Variants in SGO2 observed in about 807,000 individuals in gnomAD.
SGO2 encodes the protein shugoshin 2.
In SGO2, 68 loss-of-function variants were observed where a neutral mutation model predicts 99.5. That is an observed-to-expected ratio of 0.68 (90% CI 0.56 to 0.84). SGO2 has a LOEUF of 0.84. Among genes scored for constraint, SGO2 ranks in the 40% least tolerant of loss-of-function variants. SGO2 has a pLI of 0.00. For synonymous variants in SGO2, 457 were observed against 487.1 expected (o/e 0.94, Z 0.81); for missense variants, 1,350 against 1,436.7 (o/e 0.94, Z 0.97).
intron 4 of SGO2, among the ~76,000 whole-genome samples, chr2:200,541,129 A>G (rs2031941731): frequency 6.6e-6 from 1 of 152,238 alleles, no homozygotes; most frequent in Non-Finnish European, 1.5e-5. Flanking sequence ...CAGAGCCCTC[A>G]TGACCTAATT....
chr2:200,534,861 A>G (rs2031612466), intron 2 of SGO2, 135 bp from the exon 3 acceptor site: 2 of 563,128 alleles, frequency 3.6e-6, no homozygotes, highest in African/African-American at 2.0e-5. Flanking sequence ...TCAAAACTAC[A>G]TCTGTATTGT....
intron 8 of SGO2, chr2:200,575,999 A>G (rs889615999): frequency 6.6e-6 from 2 of 303,682 alleles, no homozygotes; most frequent in Non-Finnish European, 1.3e-5. Context: ...GTTGTATTTT[A>G]GAGTCTCAAA....
At chr2:200,558,466 T>C (rs932608829) in intron 5 of SGO2, among the ~76,000 whole-genome samples, 1 of 152,084 alleles carries the variant, frequency 6.6e-6, no homozygotes, top group Non-Finnish European at 1.5e-5. Flanking sequence ...ATAAGGATTT[T>C]TGAATGTTAA....
chr2:200,565,174 T>C (rs2033136960), intron 5 of SGO2, among the ~76,000 whole-genome samples: 1 of 152,260 alleles, frequency 6.6e-6, no homozygotes, highest in Admixed American at 6.5e-5. Context: ...CTTTACAATT[T>C]GGCATGTTTT....
In SGO2 at chr2:200,570,015, A is replaced by C; in HGVS notation, c.703+123A>C. 1 of 645,060 alleles carries C rather than the reference A, an allele frequency of 1.6e-6. No individual in the cohort carries two copies. The highest frequency in any genetic ancestry group is 2.7e-6 in the Non-Finnish European group (1 of 377,006). 40.0% of individuals were successfully genotyped at this position (645,060 alleles called of 1,614,324 possible). A position where few individuals can be genotyped will look rare whatever the true frequency, so the allele number is the denominator to read the frequency against. On this transcript the variant is annotated intron_variant, in intron 6 of 8. Coordinates refer to ENST00000357799, the MANE Select transcript of SGO2 (RefSeq NM_152524.6). This position sits in a 1 kb window ranked among gnomAD's most constrained non-coding sequence, Gnocchi z 4.4. ...GCTCTCTTATGTTACCGATTTGCTA[A>C]CTTCTGCCATTTAAAACTGCTGGTG...
At chr2:200,555,682 C>T (rs112894272) in intron 5 of SGO2, among the ~76,000 whole-genome samples, 2 of 152,144 alleles carry the variant, frequency 1.3e-5, no homozygotes, top group Non-Finnish European at 2.9e-5. Flanking sequence ...CGAGTATCCC[C>T]ACCATAACTG....
chr2:200,552,955 G>T (rs952853561), intron 5 of SGO2, among the ~76,000 whole-genome samples: 1 of 151,888 alleles, frequency 6.6e-6, no homozygotes, highest in Non-Finnish European at 1.5e-5. Flanking sequence ...GCACCCCCCC[G>T]CCCCCTTTTA....
At chr2:200,566,736 C>G (rs1328957844) in intron 5 of SGO2, among the ~76,000 whole-genome samples, 1 of 152,190 alleles carries the variant, frequency 6.6e-6, no homozygotes, top group African/African-American at 2.4e-5. Context: ...AGCTTCCTAG[C>G]CGCTTTGTTT....
chr2:200,562,967 A>C (rs765992784), intron 5 of SGO2, among the ~76,000 whole-genome samples: 1 of 152,182 alleles, frequency 6.6e-6, no homozygotes, highest in Non-Finnish European at 1.5e-5. Flanking sequence ...GGCTGAGACG[A>C]TGAGGTTTTT....
In SGO2 at chr2:200,572,568, G is replaced by A; in HGVS notation, c.2222G>A (p.Ser741Asn). 1 of 1,612,046 alleles carries A rather than the reference G, an allele frequency of 6.2e-7. No homozygotes were observed. Among genetic ancestry groups the A allele is most frequent in the Non-Finnish European group, 8.5e-7 (1 of 1,178,528 alleles). Residue 741 changes from serine (S) to asparagine (N), a missense_variant, in exon 7 of 9, where the codon AGT (serine) becomes AAT (asparagine). Coordinates refer to ENST00000357799, the MANE Select transcript of SGO2 (RefSeq NM_152524.6). ...AAAAGTATAGAATACACAGTTAAAAGTCACTCACTCTTTTTAACGCAAAAA... is the reference window on the plus strand; with the variant it reads ...AAAAGTATAGAATACACAGTTAAAAATCACTCACTCTTTTTAACGCAAAAA... ...NDKSIEYTVKSHSLFLTQKDK... is the reference protein window; with the variant it reads ...NDKSIEYTVKNHSLFLTQKDK...
rs1208454385 is a variant in SGO2 at position 200,526,404 on chromosome 2, C to T, written c.-3+152C>T. Reference sequence around the variant, plus strand: ...CGGGATCCGGGACGGCGGCCCCTCTCCGGCTACGAGGGGTTCGTTGACGGA... The same window carrying T: ...CGGGATCCGGGACGGCGGCCCCTCTTCGGCTACGAGGGGTTCGTTGACGGA... On this transcript the variant is annotated intron_variant, in intron 1 of 8. Transcript: ENST00000357799. This position sits in a 1 kb window ranked among gnomAD's most constrained non-coding sequence, Gnocchi z 4.8. 6.6e-6 allele frequency among the ~76,000 whole-genome samples: 1 copy of T among 152,240 alleles called. No individual in the cohort carries two copies. Among genetic ancestry groups the T allele is most frequent in the East Asian group, 1.9e-4 (1 of 5,192 alleles).
intron 8 of SGO2, among the ~76,000 whole-genome samples, chr2:200,578,295 T>C (rs2033733616): frequency 6.6e-6 from 1 of 152,222 alleles, no homozygotes; most frequent in Non-Finnish European, 1.5e-5. Flanking sequence ...CAGGTTGGCT[T>C]CCGTGTCCTT....
At position 200,583,546 on chromosome 2, in the gene SGO2, T is replaced by A; in HGVS notation, c.*82T>A. On this transcript the variant is annotated 3_prime_UTR_variant, in exon 9 of 9. Transcript: ENST00000357799. ...GAAATATAGTATCAAGAAGATGAAA[T>A]GCTTAATGAAAAGGTTTTTTTTTTG... is the stretch of plus-strand genomic sequence containing the variant. 1 of 1,316,630 alleles carries A rather than the reference T, an allele frequency of 7.6e-7. No homozygotes were observed. Among genetic ancestry groups the A allele is most frequent in the Non-Finnish European group, 1.0e-6 (1 of 960,678 alleles). 81.6% of individuals were successfully genotyped at this position (1,316,630 alleles called of 1,614,324 possible).
intron 5 of SGO2, among the ~76,000 whole-genome samples, chr2:200,568,974 A>G (rs1348548456): frequency 1.3e-5 from 2 of 152,056 alleles, no homozygotes; most frequent in African/African-American, 4.8e-5. Context: ...TTCTACTGGT[A>G]GTTGCCTTTA....
chr2:200,535,145 T>C lies in SGO2; in HGVS notation c.283T>C (p.Phe95Leu). ...EVEKLNFENT[F>L]LRLKLNNLNK... ...AGAGAAACTGAATTTTGAGAACACA[T>C]TTCTTCGCCTAAAGCTAAATAACTT... Residue 95 changes from phenylalanine (F) to leucine (L), a missense_variant, in exon 3 of 9, where the codon TTT becomes CTT. Physicochemically the swap from Phe to Leu is conservative, Grantham distance 22 (BLOSUM62 0). Coordinates refer to ENST00000357799, the MANE Select transcript of SGO2 (RefSeq NM_152524.6). The C allele has an allele frequency of 6.5e-7, 1 of 1,532,586 alleles. No individual in the cohort carries two copies. Among genetic ancestry groups the C allele is most frequent in the East Asian group, 2.5e-5 (1 of 39,520 alleles). 94.9% of individuals were successfully genotyped at this position (1,532,586 alleles called of 1,614,324 possible). A position where few individuals can be genotyped will look rare whatever the true frequency, so the allele number is the denominator to read the frequency against.
intron 5 of SGO2, among the ~76,000 whole-genome samples, chr2:200,552,406 G>T (rs1487243369): frequency 6.6e-6 from 1 of 152,112 alleles, no homozygotes; most frequent in East Asian, 1.9e-4. Flanking sequence ...GTGAAAGCAA[G>T]TTTACTAGTA....
At chr2:200,577,627 A>G (rs1272585322) in intron 8 of SGO2, among the ~76,000 whole-genome samples, 5 of 151,472 alleles carry the variant, frequency 3.3e-5, no homozygotes, top group Non-Finnish European at 2.9e-5. Context: ...CCCACATTGC[A>G]TTTAGTTGTT....
intron 5 of SGO2, among the ~76,000 whole-genome samples, chr2:200,546,382 A>G (rs1459161086): frequency 2.4e-5 from 3 of 124,566 alleles, no homozygotes; most frequent in African/African-American, 9.0e-5. Context: ...AAAAAAAAAG[A>G]TTTGCTAGGC....
In SGO2 at chr2:200,535,098, A is replaced by G; in HGVS notation, c.236A>G (p.Lys79Arg). 1 of 1,562,354 alleles carries G rather than the reference A, an allele frequency of 6.4e-7. No individual in the cohort carries two copies. Among genetic ancestry groups the G allele is most frequent in the Non-Finnish European group, 8.6e-7 (1 of 1,162,868 alleles). Residue 79 changes from lysine (K) to arginine (R), a missense_variant, in exon 3 of 9, where the codon AAG (lysine) becomes AGG (arginine). Coordinates refer to ENST00000357799, the MANE Select transcript of SGO2 (RefSeq NM_152524.6). ...KENSRRITTE[K>R]MLLQKEVEKL... is the part of the protein sequence containing the mutation. Reference sequence around the variant, plus strand: ...AATTCTCGAAGAATTACAACTGAAAAGATGCTATTGCAAAAAGAAGTAGAG... The same window carrying G: ...AATTCTCGAAGAATTACAACTGAAAGGATGCTATTGCAAAAAGAAGTAGAG...
Sources: gnomAD v4.1 joint callset for allele counts (sites outside exome capture counted in the v4.1 genomes callset) on GRCh38, gnomAD v4.1.1 for gene constraint, Gnocchi (gnomAD v3.1) non-coding constraint, MANE v1.5 for transcripts, NCBI Gene and HGNC (gene_info 2026-07-23, HGNC 2026-07-21) for gene names.